Variants in ADAM12 observed in about 807,000 individuals in gnomAD.
ADAM12 encodes disintegrin and metalloproteinase domain-containing protein 12.
A neutral mutation model predicts 106.4 loss-of-function variants in ADAM12; 70 were observed. The observed-to-expected ratio is 0.66, with a 90% CI of 0.54 to 0.80. ADAM12 has a LOEUF of 0.80. Ranked by LOEUF, ADAM12 falls within the 30% of genes least tolerant of loss-of-function variation. The pLI is 0.00. For synonymous variants in ADAM12, 420 were observed against 433.5 expected (o/e 0.97, Z 0.39); for missense variants, 1,010 against 1,171.9 (o/e 0.86, Z 2.02).
chr10:126,242,369 G>A (rs1958544017), intron 3 of ADAM12, among the ~76,000 whole-genome samples: 1 of 152,180 alleles, frequency 6.6e-6, no homozygotes, highest in Admixed American at 6.5e-5. Context: ...GAATAGAATT[G>A]TATTTATGGT....
chr10:126,208,703 G>A (rs1353477235), intron 3 of ADAM12, among the ~76,000 whole-genome samples: 1 of 152,184 alleles, frequency 6.6e-6, no homozygotes, highest in Admixed American at 6.5e-5. Context: ...GGAAGACTGA[G>A]CAGAAACAGA....
intron 21 of ADAM12, among the ~76,000 whole-genome samples, chr10:126,027,872 G>C (rs1590303392): frequency 6.6e-6 from 1 of 152,108 alleles, no homozygotes; most frequent in Admixed American, 6.5e-5. Flanking sequence ...GCAAGAGAAA[G>C]GAAGTGTATT....
At chr10:126,176,114 C>T (rs1290101576) in intron 3 of ADAM12, among the ~76,000 whole-genome samples, 1 of 152,148 alleles carries the variant, frequency 6.6e-6, no homozygotes, top group Non-Finnish European at 1.5e-5. Context: ...AACCAGGAGG[C>T]TAATAAAACA....
chr10:126,129,313 C>T (rs1044347940), intron 5 of ADAM12, among the ~76,000 whole-genome samples: 5 of 152,232 alleles, frequency 3.3e-5, no homozygotes, highest in African/African-American at 1.2e-4. Flanking sequence ...GCTCATGCTC[C>T]AGCCAGGAGC....
rs377766326 is a variant in ADAM12, at chr10:126,311,023, G to A, written c.186+19389C>T. Among the ~76,000 whole-genome samples, 176 of 151,838 alleles carry A rather than the reference G, an allele frequency of 1.2e-3. 3 individuals are homozygous for A. The highest frequency in any genetic ancestry group is 3.9e-3 in the African/African-American group (160 of 41,388). On this transcript the variant is annotated intron_variant, in intron 2 of 22. Transcript: ENST00000448723. ...ATCTCTAGGATGCCTCCTCTGAGCT[G>A]AGCTAATACTAAATCTCCTGCCCAC...
intron 11 of ADAM12, 98 bp from the exon 12 acceptor site, chr10:126,071,752 C>T (rs1232740272): frequency 4.5e-6 from 6 of 1,331,776 alleles, no homozygotes; most frequent in African/African-American, 1.5e-5. Context: ...GCCACATCTG[C>T]CCAGGTGTTC....
rs1231319505 is a variant in ADAM12 at position 126,388,269 on chromosome 10, C to A, written c.-124G>T. 2 of 1,165,228 alleles carry A rather than the reference C, an allele frequency of 1.7e-6. No homozygotes were observed. Among genetic ancestry groups the A allele is most frequent in the African/African-American group, 1.6e-5 (1 of 62,000 alleles). The allele number at this position is 1,165,228 out of a possible 1,614,324, so 72.2% of individuals were successfully genotyped here. On this transcript the variant is annotated 5_prime_UTR_variant, in exon 1 of 23. Coordinates refer to ENST00000448723, the MANE Select transcript of ADAM12 (RefSeq NM_001288973.2). This position sits in a 1 kb window ranked among gnomAD's most constrained non-coding sequence, Gnocchi z 4.4. ...GATTTCCTGCCTCGGCGAGTCAGCT[C>A]CGGAGCCCTCGCGCAGCGCCCGCGC...
chr10:126,210,704 G>C (rs996770069), intron 3 of ADAM12, among the ~76,000 whole-genome samples: 1 of 152,180 alleles, frequency 6.6e-6, no homozygotes, highest in African/African-American at 2.4e-5. Context: ...CATATGCCTA[G>C]GGAAAGGTTC....
chr10:126,259,484 A>G (rs940723861), intron 3 of ADAM12, among the ~76,000 whole-genome samples: 7 of 152,348 alleles, frequency 4.6e-5, no homozygotes, highest in Middle Eastern at 6.8e-3. Flanking sequence ...TCTTACTAAC[A>G]AAAATAAAGG....
At chr10:126,235,567 G>A (rs1305067183) in intron 3 of ADAM12, among the ~76,000 whole-genome samples, 3 of 152,058 alleles carry the variant, frequency 2.0e-5, no homozygotes, top group African/African-American at 4.8e-5. Flanking sequence ...AGGCGGGCTC[G>A]AGCTATCTCA....
rs948649373 is a variant in ADAM12, at chr10:126,038,360, A to T, written c.2241-11T>A. The T allele has an allele frequency of 5.8e-6, 9 of 1,559,024 alleles. No homozygotes were observed. The African/African-American group carries it at 1.2e-4, about 21-fold the overall frequency. On this transcript the variant is annotated splice_polypyrimidine_tract_variant and intron_variant, in intron 19 of 22. Coordinates refer to ENST00000448723, the MANE Select transcript of ADAM12 (RefSeq NM_001288973.2). ...GAAGGGCGCACACACCTGCAACAGA[A>T]TCCCATACCTGCTGACCAAGCGTGT... is the stretch of plus-strand genomic sequence containing the variant.
intron 3 of ADAM12, among the ~76,000 whole-genome samples, chr10:126,177,642 C>T (rs1181480429): frequency 1.3e-5 from 2 of 152,140 alleles, no homozygotes; most frequent in Non-Finnish European, 2.9e-5. Context: ...AAGTAAACAA[C>T]ATTTTGGTTT....
At chr10:126,300,601 A>G (rs951448670) in intron 2 of ADAM12, among the ~76,000 whole-genome samples, 2 of 152,210 alleles carry the variant, frequency 1.3e-5, no homozygotes, top group Non-Finnish European at 1.5e-5. Context: ...AAATGAAAGT[A>G]CTGTTTCATT....
At chr10:126,105,449 T>C (rs1313759309) in intron 8 of ADAM12, among the ~76,000 whole-genome samples, 1 of 152,196 alleles carries the variant, frequency 6.6e-6, no homozygotes, top group African/African-American at 2.4e-5. Context: ...GTTGGGGCAA[T>C]GGTCCAACTC....
intron 8 of ADAM12, among the ~76,000 whole-genome samples, chr10:126,102,828 T>C (rs1018376956): frequency 3.3e-5 from 5 of 152,246 alleles, no homozygotes; most frequent in Non-Finnish European, 7.3e-5. Flanking sequence ...AGTAAGTTCC[T>C]GGCCGGCTCT....
intron 21 of ADAM12, among the ~76,000 whole-genome samples, chr10:126,030,867 A>C: frequency 6.6e-6 from 1 of 152,198 alleles, no homozygotes; most frequent in East Asian, 1.9e-4. Flanking sequence ...TTAATCCGTA[A>C]CTGAGTGTGA....
chr10:126,347,770 G>T (rs569389584), intron 1 of ADAM12, among the ~76,000 whole-genome samples: 1 of 152,128 alleles, frequency 6.6e-6, no homozygotes, highest in African/African-American at 2.4e-5. Flanking sequence ...TAATTAGCCT[G>T]TTTTTCTCTT....
At chr10:126,256,907 G>GAAC (rs1958902613) in intron 3 of ADAM12, among the ~76,000 whole-genome samples, 1 of 146,248 alleles carries the variant, frequency 6.8e-6, no homozygotes, top group Non-Finnish European at 1.5e-5. Context: ...CTTTGGATGG[G>GAAC]AATAATAATA....
chr10:126,341,996 T>C (rs950111902), intron 1 of ADAM12, among the ~76,000 whole-genome samples: 4 of 152,224 alleles, frequency 2.6e-5, no homozygotes, highest in African/African-American at 7.2e-5. Context: ...TGAAACCTCA[T>C]GCGTTTTCAT....
Sources: gnomAD v4.1 joint callset for allele counts (sites outside exome capture counted in the v4.1 genomes callset) on GRCh38, gnomAD v4.1.1 for gene constraint, Gnocchi (gnomAD v3.1) non-coding constraint, MANE v1.5 for transcripts, NCBI Gene and HGNC (gene_info 2026-07-23, HGNC 2026-07-21) for gene names.